The following ITGA3 variants were observed in gnomAD, a reference collection of about 807,000 sequenced individuals.
ITGA3 encodes the protein integrin subunit alpha 3.
Under a neutral mutation model 131.1 loss-of-function variants are expected in ITGA3, and 70 were observed. That is an observed-to-expected ratio of 0.53 (90% CI 0.44 to 0.65). The LOEUF (loss-of-function observed/expected upper bound fraction) is 0.65. Ranked by LOEUF, ITGA3 falls within the 30% of genes least tolerant of loss-of-function variation. The probability of loss-of-function intolerance (pLI) is 0.00; values close to 1 mark genes in which losing one functional copy is unlikely to be tolerated. For synonymous variants in ITGA3, 537 were observed against 571.6 expected (o/e 0.94, Z 0.86); for missense variants, 1,098 against 1,388.6 (o/e 0.79, Z 3.33).
intron 1 of ITGA3, among the ~76,000 whole-genome samples, chr17:50,061,168 G>C (rs964712116): frequency 1.3e-5 from 2 of 152,172 alleles, no homozygotes; most frequent in African/African-American, 4.8e-5. Flanking sequence ...TCTCTGAGGA[G>C]GGAGGGGCCT....
intron 14 of ITGA3, 37 bp downstream of exon 14, chr17:50,076,718 G>T (rs753488260): frequency 6.5e-7 from 1 of 1,545,800 alleles, no homozygotes; most frequent in East Asian, 2.3e-5. Flanking sequence ...ATCGGCCAAG[G>T]GTGGGACGGG....
At chr17:50,061,163 G>C (rs1321882700) in intron 1 of ITGA3, among the ~76,000 whole-genome samples, 1 of 152,154 alleles carries the variant, frequency 6.6e-6, no homozygotes, top group Non-Finnish European at 1.5e-5. Context: ...TGGAATCTCT[G>C]AGGAGGGAGG....
chr17:50,086,703 A>AG (rs1909455748), intron 23 of ITGA3: 1 of 150,962 alleles, frequency 6.6e-6, no homozygotes, highest in African/African-American at 2.4e-5. Context: ...AAAAAAAAAA[A>AG]AAAACCTCAT....
rs1306114352 is a variant in ITGA3 at position 50,076,491 on chromosome 17, G to A, written c.1824+16G>A. The A allele has an allele frequency of 1.9e-6, 3 of 1,607,506 alleles. No homozygotes were observed. Among genetic ancestry groups the A allele is most frequent in the Admixed American group, 1.7e-5 (1 of 60,010 alleles). ...CCACACTGAGGTGAGTGGGGCTGGC[G>A]CCTGGACTGGAAGACCAGGGGCCAG... is the stretch of plus-strand genomic sequence containing the variant. On this transcript the variant is annotated intron_variant, in intron 13 of 25. Coordinates refer to ENST00000320031, the MANE Select transcript of ITGA3 (RefSeq NM_002204.4).
At chr17:50,077,913 C>T (rs896819685) in intron 16 of ITGA3, 133 bp from the exon 17 acceptor site, 3 of 693,240 alleles carry the variant, frequency 4.3e-6, no homozygotes, top group Admixed American at 2.4e-5. Flanking sequence ...AGGTAGAGAC[C>T]CCTCACCCAG....
rs199534510 is a variant in ITGA3 at position 50,068,280 on chromosome 17, C to T, written c.639C>T (p.Gly213=). ...GGFTQNTVYF[G]APGAYNWKGN... is the part of the protein sequence containing the mutation. ...TCACCCAGAACACTGTGTACTTCGG[C>T]GCCCCCGGTGCCTACAACTGGAAAG... Residue 213 remains glycine, a synonymous_variant, in exon 4 of 26, where the codon GGC becomes GGT. Transcript: ENST00000320031. 45 of 1,613,470 alleles carry T rather than the reference C, an allele frequency of 2.8e-5. No homozygotes were observed. The highest frequency in any genetic ancestry group is 8.9e-5 in the East Asian group (4 of 44,886).
chr17:50,064,438 C>A lies in ITGA3; in HGVS notation c.335-90C>A. The A allele has an allele frequency of 7.6e-7, 1 of 1,318,928 alleles. No homozygotes were observed. The allele number at this position is 1,318,928 out of a possible 1,614,324, so 81.7% of individuals were successfully genotyped here. ...GAGGGCTGCCCTGTGGGTGGAGGGC[C>A]CAAGCGGGACCCACTCCTGCCCTCT... On this transcript the variant is annotated intron_variant, in intron 2 of 25. Transcript: ENST00000320031. This position sits in a 1 kb window ranked among gnomAD's most constrained non-coding sequence, Gnocchi z 4.4.
intron 7 of ITGA3, among the ~76,000 whole-genome samples, chr17:50,072,948 T>C (rs527982038): frequency 1.4e-4 from 22 of 152,192 alleles, no homozygotes; most frequent in African/African-American, 5.3e-4. Flanking sequence ...GTCACTTCTC[T>C]GATAATCTCA....
chr17:50,076,720 T>C, intron 14 of ITGA3, 39 bp downstream of exon 14: 2 of 1,457,612 alleles, frequency 1.4e-6, no homozygotes, highest in South Asian at 2.3e-5. Flanking sequence ...CGGCCAAGGG[T>C]GGGACGGGGC....
chr17:50,071,577 C>T (rs888545435), intron 6 of ITGA3, 59 bp downstream of exon 6: 3 of 1,462,092 alleles, frequency 2.1e-6, no homozygotes, highest in Non-Finnish European at 1.9e-6. Context: ...GGAAGGCTTA[C>T]CTAAGCCAGG....
intron 1 of ITGA3, among the ~76,000 whole-genome samples, chr17:50,060,951 C>A (rs1908048815): frequency 6.6e-6 from 1 of 152,198 alleles, no homozygotes. Flanking sequence ...GATTCTCCAA[C>A]CCCCTCCGCA....
chr17:50,081,732 T>C (rs1028489969), intron 23 of ITGA3, among the ~76,000 whole-genome samples: 2 of 152,182 alleles, frequency 1.3e-5, no homozygotes, highest in Non-Finnish European at 2.9e-5. Context: ...CTCTATTTTA[T>C]GGCTGAGAGG....
rs1272274876 is a variant in ITGA3 at position 50,087,879 on chromosome 17, C to G, written c.3045+10C>G. On this transcript the variant is annotated intron_variant, in intron 24 of 25. Transcript: ENST00000320031. ...CCTCCTGCTGTGGAAGGTTAGTAGC[C>G]CAGCCCACTCCTGCTCCGGGACCTC... 1 of 1,560,086 alleles carries G rather than the reference C, an allele frequency of 6.4e-7. No homozygotes were observed. The highest frequency in any genetic ancestry group is 1.2e-5 in the South Asian group (1 of 86,220).
At chr17:50,088,499 G>T in intron 25 of ITGA3, 133 bp downstream of exon 25, 1 of 586,888 alleles carries the variant, frequency 1.7e-6, no homozygotes. Context: ...CAAAGATCAG[G>T]TCACTCTGAC....
intron 11 of ITGA3, 22 bp from the exon 12 acceptor site, chr17:50,075,577 T>G (rs1908844882): frequency 4.3e-6 from 7 of 1,614,138 alleles, no homozygotes; most frequent in South Asian, 1.1e-5. Flanking sequence ...GTCCCCTTGC[T>G]GACCACCCTG....
At chr17:50,088,191 C>A (rs530825821) in intron 24 of ITGA3, 34 bp from the exon 25 acceptor site, 4 of 1,543,902 alleles carry the variant, frequency 2.6e-6, no homozygotes, top group South Asian at 2.4e-5. Flanking sequence ...CAGCGCCCCC[C>A]TGATGGCCCG....
Position 50,056,434 on chromosome 17 carries a change from G to A in ITGA3, c.-6G>A. The A allele has an allele frequency of 6.8e-7, 1 of 1,481,166 alleles. No individual in the cohort carries two copies. The highest frequency in any genetic ancestry group is 8.9e-7 in the Non-Finnish European group (1 of 1,119,844). The allele number at this position is 1,481,166 out of a possible 1,614,324, so 91.8% of individuals were successfully genotyped here. On this transcript the variant is annotated 5_prime_UTR_variant, in exon 1 of 26. Transcript: ENST00000320031. This position sits in a 1 kb window ranked among gnomAD's most constrained non-coding sequence, Gnocchi z 5.6. Reference sequence around the variant, plus strand: ...TCTCGCCGGGACCCCGCTTCCGCTGGCAGCCATGGGCCCCGGCCCCAGCCG... The same window carrying A: ...TCTCGCCGGGACCCCGCTTCCGCTGACAGCCATGGGCCCCGGCCCCAGCCG...
intron 23 of ITGA3, among the ~76,000 whole-genome samples, chr17:50,083,667 T>A (rs1286529674): frequency 6.8e-6 from 1 of 146,538 alleles, no homozygotes; most frequent in Non-Finnish European, 1.5e-5. Context: ...GAGGCTGCAG[T>A]GAGTCGTGAT....
chr17:50,070,766 G>T, intron 4 of ITGA3, 78 bp from the exon 5 acceptor site: 1 of 747,590 alleles, frequency 1.3e-6, no homozygotes, highest in Non-Finnish European at 2.3e-6. Flanking sequence ...GGGTGGGGGT[G>T]GGCTGGACAT....
Sources: allele counts gnomAD v4.1 joint callset (sites outside exome capture counted in the v4.1 genomes callset), GRCh38; gene constraint gnomAD v4.1.1; non-coding constraint Gnocchi (gnomAD v3.1); transcripts MANE v1.5; gene names NCBI Gene and HGNC (gene_info 2026-07-23, HGNC 2026-07-21).